Variants in KIR3DL3 observed in about 807,000 individuals in gnomAD.
KIR3DL3 encodes killer cell immunoglobulin-like receptor 3DL3.
KIR3DL3 carries 27 observed loss-of-function variants against 34.9 expected under a neutral mutation model. The ratio of observed to expected loss-of-function variants is 0.77; its 90% confidence interval spans 0.57 to 1.07. The LOEUF (loss-of-function observed/expected upper bound fraction) is 1.07, where lower values mean the gene tolerates loss of function less well. KIR3DL3 is among the 50% of genes least tolerant of loss of function. KIR3DL3 has a pLI of 0.00. For synonymous variants in KIR3DL3, 217 were observed against 200.2 expected, an observed-to-expected ratio of 1.08 and a Z score of -0.71; for missense variants, 681 against 528.5, an observed-to-expected ratio of 1.29 and a Z score of -2.83.
At position 54,726,291 on chromosome 19, in the gene KIR3DL3, C is replaced by G. The variant is rs754931284; in HGVS notation, c.309C>G (p.Pro103=). 2 of 1,613,952 alleles carry G rather than the reference C, an allele frequency of 1.2e-6. No homozygotes were observed. The highest frequency in any genetic ancestry group is 8.5e-7 in the Non-Finnish European group (1 of 1,179,976). ...YRCCSSHPHS[P]TGWSAPSNPV... ...GTTGCAGTTCACACCCACACTCCCCCACTGGGTGGTCGGCACCCAGCAACC... is the reference window on the plus strand; with the variant it reads ...GTTGCAGTTCACACCCACACTCCCCGACTGGGTGGTCGGCACCCAGCAACC... Residue 103 remains proline, a synonymous_variant, in exon 3 of 8, where the codon CCC becomes CCG. Coordinates refer to ENST00000291860, the MANE Select transcript of KIR3DL3 (RefSeq NM_153443.5).
Position 54,735,982 on chromosome 19 carries a change from A to T in KIR3DL3, c.1119A>T (p.Glu373Asp), listed in dbSNP as rs28504993. ...TTCCCTCCCTCCAGGACTCTGATGA[A>T]CAAGACCCTCAGGAGGTGACATACG... ...NRTVNREDSD[E>D]QDPQEVTYAQ... Residue 373 changes from glutamate (E) to aspartate (D), a missense_variant, in exon 8 of 8, where the codon GAA (glutamate) becomes GAT (aspartate). Coordinates refer to ENST00000291860, the MANE Select transcript of KIR3DL3 (RefSeq NM_153443.5). The T allele has an allele frequency of 0.042, 68,460 of 1,612,562 alleles. 1,801 individuals are homozygous for T. Among genetic ancestry groups the T allele is most frequent in the African/African-American group, 0.12 (8,734 of 74,346 alleles).
intron 3 of KIR3DL3, 98 bp downstream of exon 3, chr19:54,726,435 A>G (rs371238781): frequency 0.073 from 106,430 of 1,448,354 alleles, 4,058 homozygotes; most frequent in African/African-American, 0.1. Context: ...CCAGGCCCCG[A>G]CTGTATTTGG....
Position 54,736,553 on chromosome 19 carries a change from C to T in KIR3DL3, c.*457C>T, listed in dbSNP as rs1600248902. 6.7e-6 allele frequency: 1 copy of T among 149,806 alleles called. No individual in the cohort carries two copies. The highest frequency in any genetic ancestry group is 1.3e-4 in the East Asian group (1 of 7,572). The allele number at this position is 149,806 out of a possible 1,614,324, so 9.3% of individuals were successfully genotyped here. ...TTTCCTCAGAGTATCTTTCAGCCTT[C>T]TGTCAGCAGTAAAACTTATAAATTT... On this transcript the variant is annotated 3_prime_UTR_variant, in exon 8 of 8. Coordinates refer to ENST00000291860, the MANE Select transcript of KIR3DL3 (RefSeq NM_153443.5).
intron 5 of KIR3DL3, 32 bp from the exon 6 acceptor site, chr19:54,735,221 T>A (rs1217978067): frequency 7.1e-7 from 1 of 1,407,096 alleles, no homozygotes; most frequent in Non-Finnish European, 1.0e-6. Flanking sequence ...CTGCTATGAT[T>A]AGCTTCTTAT....
chr19:54,727,920 T>G lies in KIR3DL3; in HGVS notation c.655+10T>G. 1 of 1,598,396 alleles carries G rather than the reference T, an allele frequency of 6.3e-7. No individual in the cohort carries two copies. ...GACATCGTGGTCGTAGGTGAGAGAA[T>G]ACAGACCTGCCTCTCACCCTTGCTG... On this transcript the variant is annotated intron_variant, in intron 4 of 7. Transcript: ENST00000291860.
Position 54,727,815 on chromosome 19 carries a change from C to T in KIR3DL3, c.560C>T (p.Pro187Leu). ...AACTATTCCATGGGTCCCATGACAC[C>T]TGCCCTTGCAGGGACCTACAGATGC... The part of the protein sequence containing the change: ...QVNYSMGPMT[P>L]ALAGTYRCFG... Residue 187 changes from proline to leucine, a missense_variant, in exon 4 of 8, where the codon CCT becomes CTT. Physicochemically the swap from Pro to Leu is moderately conservative, Grantham distance 98 (BLOSUM62 -3). Coordinates refer to ENST00000291860, the MANE Select transcript of KIR3DL3 (RefSeq NM_153443.5). The T allele has an allele frequency of 1.9e-6, 3 of 1,613,966 alleles. No homozygotes were observed. Among genetic ancestry groups the T allele is most frequent in the Non-Finnish European group, 2.5e-6 (3 of 1,179,990 alleles).
At chr19:54,728,082 A>AAG (rs2068400932) in intron 4 of KIR3DL3, among the ~76,000 whole-genome samples, 172 bp downstream of exon 4, 2 of 151,942 alleles carry the variant, frequency 1.3e-5, no homozygotes, top group African/African-American at 2.4e-5. Flanking sequence ...ACAAGTACAG[A>AAG]CCTCATGTCA....
Position 54,727,917 on chromosome 19 carries a change from G to T in KIR3DL3, c.655+7G>T. 1 of 1,602,418 alleles carries T rather than the reference G, an allele frequency of 6.2e-7. No individual in the cohort carries two copies. The highest frequency in any genetic ancestry group is 1.3e-5 in the African/African-American group (1 of 74,836). ...CTGGACATCGTGGTCGTAGGTGAGAGAATACAGACCTGCCTCTCACCCTTG... is the reference window on the plus strand; with the variant it reads ...CTGGACATCGTGGTCGTAGGTGAGATAATACAGACCTGCCTCTCACCCTTG... On this transcript the variant is annotated splice_region_variant and intron_variant, in intron 4 of 7. Transcript: ENST00000291860.
At position 54,726,280 on chromosome 19, in the gene KIR3DL3, C is replaced by T. The variant is rs1270176356; in HGVS notation, c.298C>T (p.Pro100Ser). 2 of 1,613,756 alleles carry T rather than the reference C, an allele frequency of 1.2e-6. No homozygotes were observed. The highest frequency in any genetic ancestry group is 1.7e-6 in the Non-Finnish European group (2 of 1,179,980). The change falls in exon 3 of 8, where the codon CCA (proline) becomes TCA (serine). Residue 100 changes from proline (P) to serine (S), a missense_variant. Transcript: ENST00000291860. ...AGTYRCCSSHPHSPTGWSAPS... is the reference protein window; with the variant it reads ...AGTYRCCSSHSHSPTGWSAPS... ...GACCTACAGATGTTGCAGTTCACAC[C>T]CACACTCCCCCACTGGGTGGTCGGC... is the stretch of plus-strand genomic sequence containing the variant.
intron 2 of KIR3DL3, among the ~76,000 whole-genome samples, chr19:54,725,739 A>G (rs2068089879): frequency 6.6e-6 from 1 of 152,128 alleles, no homozygotes; most frequent in Non-Finnish European, 1.5e-5. Flanking sequence ...ATAGGGGCTC[A>G]GTTGTTTATT....
At chr19:54,725,040 A>G (rs1217167129) in intron 1 of KIR3DL3, among the ~76,000 whole-genome samples, 1 of 132,856 alleles carries the variant, frequency 7.5e-6, no homozygotes, top group Non-Finnish European at 1.6e-5. Flanking sequence ...GAGTGTAGAT[A>G]TGGGCCTGGA....
At chr19:54,733,903 G>T (rs2069118082) in intron 5 of KIR3DL3, among the ~76,000 whole-genome samples, 1 of 152,110 alleles carries the variant, frequency 6.6e-6, no homozygotes, top group Non-Finnish European at 1.5e-5. Flanking sequence ...AGAGACCAGT[G>T]CCAGCACTAG....
At chr19:54,724,997 A>AGACACGGGCCTGGAGGTGGG (rs2067997432) in intron 1 of KIR3DL3, among the ~76,000 whole-genome samples, 2 of 128,300 alleles carry the variant, frequency 1.6e-5, no homozygotes, top group Non-Finnish European at 3.2e-5. Context: ...CTGGAGGTGG[A>AGACACGGGCCTGGAGGTGGG]GATACAGGCC....
intron 5 of KIR3DL3, among the ~76,000 whole-genome samples, chr19:54,730,928 T>C (rs2068721438): frequency 6.6e-6 from 1 of 152,236 alleles, no homozygotes; most frequent in South Asian, 2.1e-4. Flanking sequence ...CTGATGTCCT[T>C]TCCTTTGGGT....
chr19:54,735,779 A>T (rs1211103009), intron 6 of KIR3DL3, 41 bp from the exon 7 acceptor site: 1 of 1,604,754 alleles, frequency 6.2e-7, no homozygotes, highest in African/African-American at 1.4e-5. Flanking sequence ...AGGACCCAGA[A>T]GTGCCCTCCG....
chr19:54,734,197 C>A (rs2069164806), intron 5 of KIR3DL3, among the ~76,000 whole-genome samples: 1 of 151,392 alleles, frequency 6.6e-6, no homozygotes, highest in African/African-American at 2.4e-5. Flanking sequence ...GTGGTAGAAA[C>A]TGTAAAGCAC....
chr19:54,733,915 C>T (rs1467365404), intron 5 of KIR3DL3, among the ~76,000 whole-genome samples: 1 of 152,014 alleles, frequency 6.6e-6, no homozygotes, highest in African/African-American at 2.4e-5. Context: ...CAGCACTAGC[C>T]CCTGGTCACA....
Position 54,726,186 on chromosome 19 carries a change from C to G in KIR3DL3, c.204C>G (p.Val68=), listed in dbSNP as rs1453622471. Reference sequence around the variant, plus strand: ...TGTCCAAAGAAGACGGGATGCCTGTCCCTGAGCTCTACAACAGAATATTCC... The same window carrying G: ...TGTCCAAAGAAGACGGGATGCCTGTGCCTGAGCTCTACAACAGAATATTCC... The part of the protein sequence containing the change: ...FSLSKEDGMP[V]PELYNRIFRN... Residue 68 remains valine, a synonymous_variant, in exon 3 of 8, where the codon GTC becomes GTG. Coordinates refer to ENST00000291860, the MANE Select transcript of KIR3DL3 (RefSeq NM_153443.5). 13 of 1,613,588 alleles carry G rather than the reference C, an allele frequency of 8.1e-6. No individual in the cohort carries two copies. The highest frequency in any genetic ancestry group is 1.1e-5 in the Non-Finnish European group (13 of 1,179,882).
At position 54,729,526 on chromosome 19, in the gene KIR3DL3, C is replaced by T. The variant is rs1316494827; in HGVS notation, c.689C>T (p.Pro230Leu). 5.7e-5 allele frequency: 92 copies of T among 1,606,178 alleles called. No homozygotes were observed. The highest frequency in any genetic ancestry group is 5.0e-4 in the East Asian group (22 of 44,392). Residue 230 changes from proline (P) to leucine (L), a missense_variant, in exon 5 of 8, where the codon CCG becomes CTG. Transcript: ENST00000291860. ...GGGAAACCTTCTCTCTCAGCCCAGC[C>T]GGGCCCCACGGTTCAGGCAGGAGAG... ...LYGKPSLSAQ[P>L]GPTVQAGENV...
Sources: gnomAD v4.1 joint callset for allele counts (sites outside exome capture counted in the v4.1 genomes callset) on GRCh38, gnomAD v4.1.1 for gene constraint, MANE v1.5 for transcripts, NCBI Gene and HGNC (gene_info 2026-07-23, HGNC 2026-07-21) for gene names.